Variants in FAM20C observed in about 807,000 individuals in gnomAD.
The protein encoded by FAM20C is extracellular serine/threonine protein kinase FAM20C.
In FAM20C, 40 loss-of-function variants were observed where a neutral mutation model predicts 51.5. That is an observed-to-expected ratio of 0.78 (90% CI 0.60 to 1.01). The LOEUF (loss-of-function observed/expected upper bound fraction) is 1.01, where lower values mean the gene tolerates loss of function less well. Among genes scored for constraint, FAM20C ranks in the 50% least tolerant of loss-of-function variants. The pLI, the probability that FAM20C is intolerant of heterozygous loss-of-function variation, is 0.00. For synonymous variants in FAM20C, 406 were observed against 380.6 expected, an observed-to-expected ratio of 1.07 and a Z score of -0.78; for missense variants, 861 against 844.7, an observed-to-expected ratio of 1.02 and a Z score of -0.24.
chr7:233,045 A>G (rs908314337), intron 3 of FAM20C, among the ~76,000 whole-genome samples: 4 of 152,156 alleles, frequency 2.6e-5, no homozygotes, highest in Non-Finnish European at 5.9e-5. Flanking sequence ...CACAGGCCTG[A>G]GTCAGACTCC....
intron 3 of FAM20C, among the ~76,000 whole-genome samples, chr7:210,784 C>A (rs552718785): frequency 1.1e-4 from 16 of 152,228 alleles, no homozygotes; most frequent in African/African-American, 3.9e-4. Context: ...ATCCTCAGGC[C>A]CCGTTTCTCA....
At chr7:257,800 T>TGGAGATGCCCG (rs1788652124) in intron 8 of FAM20C, among the ~76,000 whole-genome samples, 1 of 50,588 alleles carries the variant, frequency 2.0e-5, no homozygotes, top group Non-Finnish European at 4.2e-5. Context: ...GGAGATGGGC[T>TGGAGATGCCCG]GGGTGGACCC....
At chr7:244,231 T>C (rs1368768510) in intron 3 of FAM20C, among the ~76,000 whole-genome samples, 1 of 152,110 alleles carries the variant, frequency 6.6e-6, no homozygotes, top group Non-Finnish European at 1.5e-5. Flanking sequence ...AGAAAAGAAA[T>C]CTTGCCTCCA....
Position 260,102 on chromosome 7 carries a change from G to C in FAM20C, c.*122G>C, listed in dbSNP as rs1788823009. 5.3e-6 allele frequency: 7 copies of C among 1,325,322 alleles called. No individual in the cohort carries two copies. Among genetic ancestry groups the C allele is most frequent in the Non-Finnish European group, 6.9e-6 (7 of 1,015,426 alleles). The allele number at this position is 1,325,322 out of a possible 1,614,324, so 82.1% of individuals were successfully genotyped here. A position where few individuals can be genotyped will look rare whatever the true frequency, so the allele number is the denominator to read the frequency against. The stretch of plus-strand genomic sequence containing the variant: ...AGGACGGGATCATCCGGAGTCGGGA[G>C]CTGCTGCCACAGGAGGCGAGGCTCC... On this transcript the variant is annotated 3_prime_UTR_variant, in exon 10 of 10. Transcript: ENST00000313766.
intron 3 of FAM20C, among the ~76,000 whole-genome samples, chr7:216,669 CAGAGTGTGTG>C (rs1176419471): frequency 2.7e-5 from 3 of 112,476 alleles, no homozygotes; most frequent in Non-Finnish European, 3.7e-5. Context: ...GTGTGAGAGA[CAGAGTGTGTG>C]TGAGAGTGTG....
intron 5 of FAM20C, among the ~76,000 whole-genome samples, chr7:249,855 A>C (rs143984579): frequency 0.054 from 8,280 of 152,208 alleles, 279 homozygotes; most frequent in Non-Finnish European, 0.082. Context: ...CCCATTTCCG[A>C]TGCTCACCTG....
At chr7:216,831 G>C (rs375617103) in intron 3 of FAM20C, among the ~76,000 whole-genome samples, 1 of 152,068 alleles carries the variant, frequency 6.6e-6, no homozygotes, top group African/African-American at 2.4e-5. Flanking sequence ...AAGGGCTTGC[G>C]GGGCTGACAC....
chr7:208,582 G>A (rs1050786707), intron 2 of FAM20C, among the ~76,000 whole-genome samples: 1 of 130,836 alleles, frequency 7.6e-6, no homozygotes, highest in African/African-American at 2.5e-5. Context: ...ATGGCTGTGT[G>A]GGGTGTGTGC....
intron 5 of FAM20C, among the ~76,000 whole-genome samples, chr7:251,144 A>C (rs575542703): frequency 9.3e-5 from 14 of 150,608 alleles, no homozygotes; most frequent in African/African-American, 3.4e-4. Context: ...CTAAGGTCTT[A>C]CTGAGTGGCC....
At chr7:226,306 G>A (rs535001166) in intron 3 of FAM20C, among the ~76,000 whole-genome samples, 35 of 150,170 alleles carry the variant, frequency 2.3e-4, no homozygotes, top group Middle Eastern at 3.4e-3. Flanking sequence ...GGAGAAGACC[G>A]GCTAGGAGGG....
intron 3 of FAM20C, among the ~76,000 whole-genome samples, chr7:211,848 CG>C (rs1786733077): frequency 6.6e-6 from 1 of 152,192 alleles, no homozygotes; most frequent in Admixed American, 6.5e-5. Flanking sequence ...GGGCACGTGG[CG>C]GGCGGAGGCA....
Position 193,325 on chromosome 7 carries a change from G to T in FAM20C, c.126G>T (p.Gly42=). Residue 42 remains glycine, a synonymous_variant, in exon 1 of 10, where the codon GGG becomes GGT. Transcript: ENST00000313766. The part of the protein sequence containing the change: ...RLERRGARPS[G]EPGCSCAQPA... Reference sequence around the variant, plus strand: ...AGCGACGCGGCGCGCGGCCCTCGGGGGAGCCCGGCTGTTCGTGCGCGCAGC... The same window carrying T: ...AGCGACGCGGCGCGCGGCCCTCGGGTGAGCCCGGCTGTTCGTGCGCGCAGC... 2 of 1,368,142 alleles carry T rather than the reference G, an allele frequency of 1.5e-6. No homozygotes were observed. Among genetic ancestry groups the T allele is most frequent in the Non-Finnish European group, 1.9e-6 (2 of 1,051,508 alleles). The allele number at this position is 1,368,142 out of a possible 1,614,324, so 84.8% of individuals were successfully genotyped here.
At chr7:257,596 A>G in intron 8 of FAM20C, 1 of 183,178 alleles carries the variant, frequency 5.5e-6, no homozygotes, top group Non-Finnish European at 1.1e-5. Flanking sequence ...CGGAGGCCTC[A>G]GAGAGATGGA....
At chr7:207,072 A>G (rs113690020) in intron 2 of FAM20C, among the ~76,000 whole-genome samples, 97 of 13,024 alleles carry the variant, frequency 7.4e-3, no homozygotes, top group Non-Finnish European at 0.011. Flanking sequence ...CTGCACACGT[A>G]TCCACTGTGA....
chr7:193,076 G>C lies in FAM20C; in HGVS notation c.-124G>C. 2.4e-6 allele frequency: 2 copies of C among 825,182 alleles called. No homozygotes were observed. Among genetic ancestry groups the C allele is most frequent in the Non-Finnish European group, 3.2e-6 (2 of 626,126 alleles). 51.1% of individuals were successfully genotyped at this position (825,182 alleles called of 1,614,324 possible). On this transcript the variant is annotated 5_prime_UTR_variant, in exon 1 of 10. Coordinates refer to ENST00000313766, the MANE Select transcript of FAM20C (RefSeq NM_020223.4). ...CGGCCCGGGCCCGGGGACAGCCCCG[G>C]AGCTGGTAGCCGCCCGGCACCGATG...
At position 258,719 on chromosome 7, in the gene FAM20C, C is replaced by G; in HGVS notation, c.1505+14C>G. On this transcript the variant is annotated intron_variant, in intron 9 of 9. Transcript: ENST00000313766. ...GCAGTGCTGCAGGTACAGCCCCTGC[C>G]GGAGCCGGCTCCAGCTCCACCCTCC... 6.5e-7 allele frequency: 1 copy of G among 1,532,532 alleles called. No individual in the cohort carries two copies. The allele number at this position is 1,532,532 out of a possible 1,614,324, so 94.9% of individuals were successfully genotyped here.
Position 259,915 on chromosome 7 carries a change from A to G in FAM20C, c.1690A>G (p.Asn564Asp), listed in dbSNP as rs36139924. 0.46 allele frequency: 702,721 copies of G among 1,534,002 alleles called. 164,582 individuals carry two copies. The highest frequency in any genetic ancestry group is 0.67 in the African/African-American group (48,852 of 73,078). Reference protein sequence around the residue: ...LKAVRDCVERNGLHSVVDDDL... With the variant: ...LKAVRDCVERDGLHSVVDDDL... ...GGCCGTCCGGGACTGCGTGGAGAGG[A>G]ACGGGCTCCACAGCGTGGTGGATGA... is the stretch of plus-strand genomic sequence containing the variant. Residue 564 changes from asparagine (N) to aspartate (D), a missense_variant, in exon 10 of 10, where the codon AAC (asparagine) becomes GAC (aspartate). Coordinates refer to ENST00000313766, the MANE Select transcript of FAM20C (RefSeq NM_020223.4).
rs537411703 is a variant in FAM20C, at chr7:193,578, G to A, written c.379G>A (p.Gly127Ser). 1.5e-4 allele frequency: 218 copies of A among 1,500,846 alleles called. 2 individuals are homozygous for A. The highest frequency in any genetic ancestry group is 1.1e-3 in the South Asian group (90 of 78,862). The allele number at this position is 1,500,846 out of a possible 1,614,324, so 93.0% of individuals were successfully genotyped here. The change falls in exon 1 of 10, where the codon GGC becomes AGC. Residue 127 changes from glycine to serine, a missense_variant. This residue lies in a region of FAM20C where 561 missense variants were observed against 499.8 expected (regional missense o/e 1.12). Coordinates refer to ENST00000313766, the MANE Select transcript of FAM20C (RefSeq NM_020223.4). ...AERALRGRDPGALRPHDPAHR... is the reference protein window; with the variant it reads ...AERALRGRDPSALRPHDPAHR... ...GCGCGCCTTGCGGGGGCGGGATCCCGGCGCCCTAAGACCCCACGACCCCGC... is the reference window on the plus strand; with the variant it reads ...GCGCGCCTTGCGGGGGCGGGATCCCAGCGCCCTAAGACCCCACGACCCCGC...
At position 260,017 on chromosome 7, in the gene FAM20C, G is replaced by C; in HGVS notation, c.*37G>C. 1 of 1,472,340 alleles carries C rather than the reference G, an allele frequency of 6.8e-7. No homozygotes were observed. The allele number at this position is 1,472,340 out of a possible 1,614,324, so 91.2% of individuals were successfully genotyped here. ...CGCTGCGCTGCCCGGGACGGAGACA[G>C]AGGCGCCGGACCTCCCAGCAAGCGC... On this transcript the variant is annotated 3_prime_UTR_variant, in exon 10 of 10. Transcript: ENST00000313766.
Sources: gnomAD v4.1 joint callset for allele counts (sites outside exome capture counted in the v4.1 genomes callset) on GRCh38, gnomAD v4.1.1 for gene constraint, gnomAD v4.1.1 regional missense constraint, MANE v1.5 for transcripts, NCBI Gene and HGNC (gene_info 2026-07-23, HGNC 2026-07-21) for gene names.